DSC3: variants seen among roughly 807,000 people sequenced by gnomAD.
The protein encoded by DSC3 is desmocollin-3.
DSC3 carries 97 observed loss-of-function variants against 89.5 expected under a neutral mutation model. The observed-to-expected ratio is 1.08, with a 90% CI of 0.92 to 1.28. DSC3 has a LOEUF of 1.28. Ranked by LOEUF, DSC3 falls within the 50% of genes most tolerant of loss-of-function variation. The pLI, the probability that DSC3 is intolerant of heterozygous loss-of-function variation, is 0.00. For synonymous variants in DSC3, 436 were observed against 384.1 expected, an observed-to-expected ratio of 1.14 and a Z score of -1.58; for missense variants, 1,199 against 1,085.3, an observed-to-expected ratio of 1.10 and a Z score of -1.47.
chr18:31,034,725 T>A (rs1267996248), intron 1 of DSC3, among the ~76,000 whole-genome samples: 1 of 152,000 alleles, frequency 6.6e-6, no homozygotes, highest in African/African-American at 2.4e-5. Context: ...AGAAACTAGA[T>A]ACAAAACAAC....
chr18:31,002,819 T>G (rs960577453), intron 13 of DSC3, among the ~76,000 whole-genome samples: 7 of 152,216 alleles, frequency 4.6e-5, no homozygotes, highest in Admixed American at 2.6e-4. Context: ...CATATTTTTA[T>G]AGCAGTGTTA....
At position 30,994,113 on chromosome 18, in the gene DSC3, A is replaced by G. The variant is rs1051342441; in HGVS notation, c.*62T>C. On this transcript the variant is annotated 3_prime_UTR_variant, in exon 16 of 16. Transcript: ENST00000360428. Reference sequence around the variant, plus strand: ...TACATACATGTTGAAATTGAACTTTACAATATTATTTTTGGAAACCTCCAG... The same window carrying G: ...TACATACATGTTGAAATTGAACTTTGCAATATTATTTTTGGAAACCTCCAG... The G allele has an allele frequency of 6.7e-7, 1 of 1,502,180 alleles. No homozygotes were observed. The highest frequency in any genetic ancestry group is 1.4e-5 in the African/African-American group (1 of 72,510). 93.1% of individuals were successfully genotyped at this position (1,502,180 alleles called of 1,614,324 possible). A position where few individuals can be genotyped will look rare whatever the true frequency, so the allele number is the denominator to read the frequency against.
chr18:30,998,207 G>T (rs977632920), intron 14 of DSC3, among the ~76,000 whole-genome samples: 8 of 152,172 alleles, frequency 5.3e-5, no homozygotes, highest in African/African-American at 1.9e-4. Flanking sequence ...AGGTAAAAAT[G>T]ATAAGGACCT....
intron 6 of DSC3, 95 bp downstream of exon 6, chr18:31,024,254 G>T: frequency 8.3e-7 from 1 of 1,207,090 alleles, no homozygotes; most frequent in Non-Finnish European, 1.1e-6. Context: ...GTTATCTCAG[G>T]CTGATCTGGC....
At position 31,031,299 on chromosome 18, in the gene DSC3, C is replaced by T. The variant is rs1028422498; in HGVS notation, c.155-127G>A. On this transcript the variant is annotated intron_variant, in intron 2 of 15. Transcript: ENST00000360428. Reference sequence around the variant, plus strand: ...AAATAAGCCAATCACTTTGCATTTACCAGATATCTTAACCTGTTTTTTACA... The same window carrying T: ...AAATAAGCCAATCACTTTGCATTTATCAGATATCTTAACCTGTTTTTTACA... 8.1e-5 allele frequency: 53 copies of T among 653,708 alleles called. 1 individual carries two copies. The East Asian group carries it at 1.4e-3, about 17-fold the overall frequency. The allele number at this position is 653,708 out of a possible 1,614,324, so 40.5% of individuals were successfully genotyped here. A position where few individuals can be genotyped will look rare whatever the true frequency, so the allele number is the denominator to read the frequency against.
chr18:30,991,413 T>C lies in DSC3; in HGVS notation c.*2762A>G, dbSNP rs916349756. On this transcript the variant is annotated 3_prime_UTR_variant, in exon 16 of 16. Transcript: ENST00000360428. The stretch of plus-strand genomic sequence containing the variant: ...TAATAATACTACATATGTGAAAATA[T>C]AGAAATGAATCCCTAAAATTAAATT... The C allele has an allele frequency of 6.6e-6, 1 of 152,570 alleles. No homozygotes were observed. Among genetic ancestry groups the C allele is most frequent in the African/African-American group, 2.4e-5 (1 of 41,460 alleles). The allele number at this position is 152,570 out of a possible 1,614,324, so 9.5% of individuals were successfully genotyped here. A position where few individuals can be genotyped will look rare whatever the true frequency, so the allele number is the denominator to read the frequency against.
chr18:31,038,692 A>ATT (rs1986043456), intron 1 of DSC3, among the ~76,000 whole-genome samples: 1 of 152,106 alleles, frequency 6.6e-6, no homozygotes, highest in Non-Finnish European at 1.5e-5. Context: ...AATATATTAT[A>ATT]AATACCAAAG....
Position 31,030,996 on chromosome 18 carries a change from C to T in DSC3, c.331G>A (p.Val111Met), listed in dbSNP as rs761159744. 1 of 1,613,934 alleles carries T rather than the reference C, an allele frequency of 6.2e-7. No homozygotes were observed. Among genetic ancestry groups the T allele is most frequent in the South Asian group, 1.1e-5 (1 of 91,062 alleles). ...ACCTTCTTCTGATGTTCTAGCAGCA[C>T]AGTAACCTCTTTCTGTGTCTGTTTC... ...KRKQTQKEVT[V>M]LLEHQKKVSK... Residue 111 changes from valine to methionine, a missense_variant, in exon 3 of 16, where the codon GTG becomes ATG. By Grantham distance (21) the Val-to-Met change is conservative. Coordinates refer to ENST00000360428, the MANE Select transcript of DSC3 (RefSeq NM_001941.5).
chr18:31,022,187 TA>T, intron 7 of DSC3, 148 bp downstream of exon 7: 2 of 975,484 alleles, frequency 2.1e-6, no homozygotes, highest in African/African-American at 1.7e-5. Flanking sequence ...AGAAATAATA[TA>T]AAAAACAGAA....
At chr18:31,018,913 T>G in intron 7 of DSC3, 113 bp from the exon 8 acceptor site, 2 of 1,009,264 alleles carry the variant, frequency 2.0e-6, no homozygotes. Flanking sequence ...TGTGTTTCCG[T>G]GCTTTTACCT....
intron 7 of DSC3, 37 bp downstream of exon 7, chr18:31,022,299 C>T (rs2144716286): frequency 1.2e-6 from 2 of 1,613,272 alleles, no homozygotes; most frequent in Non-Finnish European, 1.7e-6. Flanking sequence ...AAGCTTAATC[C>T]TCAGCGAAAT....
rs545948207 is a variant in DSC3 at position 31,041,806 on chromosome 18, C to CGG, written c.69+785_69+786insCC. On this transcript the variant is annotated intron_variant, in intron 1 of 15. Transcript: ENST00000360428. ...TAGACTCGAAACCCCAGGCTGTGCT[C>CGG]CGGCCGCGCAGTCCTCCCCGGAGCC... Among the ~76,000 whole-genome samples the CGG allele has an allele frequency of 2.2e-3, 331 of 152,160 alleles. 1 individual carries two copies. The highest frequency in any genetic ancestry group is 7.4e-3 in the African/African-American group (308 of 41,530).
chr18:31,034,094 G>A (rs1385861683), intron 1 of DSC3, among the ~76,000 whole-genome samples: 1 of 152,136 alleles, frequency 6.6e-6, no homozygotes, highest in African/African-American at 2.4e-5. Flanking sequence ...CAAAGTGCTG[G>A]GATTACAGGC....
chr18:30,998,482 G>A (rs1598597866), intron 14 of DSC3, among the ~76,000 whole-genome samples: 1 of 152,158 alleles, frequency 6.6e-6, no homozygotes, highest in Non-Finnish European at 1.5e-5. Context: ...TGAATATGCG[G>A]ATTTGGAACT....
intron 8 of DSC3, 68 bp downstream of exon 8, chr18:31,018,598 A>G: frequency 1.3e-6 from 2 of 1,504,326 alleles, no homozygotes; most frequent in East Asian, 2.3e-5. Context: ...TATTAATTTT[A>G]TTAATTCAGT....
At chr18:30,995,293 C>T (rs972543076) in intron 15 of DSC3, among the ~76,000 whole-genome samples, 2 of 152,192 alleles carry the variant, frequency 1.3e-5, no homozygotes, top group Admixed American at 6.5e-5. Flanking sequence ...CCTCCTAAGA[C>T]TATGTCTTAA....
chr18:31,014,983 T>C (rs1198412998), intron 9 of DSC3, among the ~76,000 whole-genome samples: 1 of 152,138 alleles, frequency 6.6e-6, no homozygotes, highest in Non-Finnish European at 1.5e-5. Flanking sequence ...CACCTTGTCA[T>C]ATAGGGGATA....
chr18:30,996,724 T>C (rs945086155), intron 15 of DSC3, 67 bp downstream of exon 15: 9 of 1,588,140 alleles, frequency 5.7e-6, no homozygotes, highest in Non-Finnish European at 5.1e-6. Flanking sequence ...ATATGTTAAT[T>C]TGAATTGTCT....
At chr18:30,998,448 T>G (rs902425995) in intron 14 of DSC3, among the ~76,000 whole-genome samples, 1 of 152,040 alleles carries the variant, frequency 6.6e-6, no homozygotes, top group African/African-American at 2.4e-5. Flanking sequence ...ATTAGAAACA[T>G]GTGGGATGTC....
Sources: gnomAD v4.1 joint callset for allele counts (sites outside exome capture counted in the v4.1 genomes callset) on GRCh38, gnomAD v4.1.1 for gene constraint, MANE v1.5 for transcripts, NCBI Gene and HGNC (gene_info 2026-07-23, HGNC 2026-07-21) for gene names.